The following FKBP1B variants were observed in gnomAD, a reference collection of about 807,000 sequenced individuals.
FKBP1B encodes the protein peptidyl-prolyl cis-trans isomerase FKBP1B.
Under a neutral mutation model 13.5 loss-of-function variants are expected in FKBP1B, and 4 were observed. That is an observed-to-expected ratio of 0.30 (90% confidence interval 0.15 to 0.68). The LOEUF is 0.68. FKBP1B is among the 30% of genes least tolerant of loss of function. The probability of loss-of-function intolerance (pLI) is 0.76; values close to 1 mark genes in which losing one functional copy is unlikely to be tolerated. For missense variants in FKBP1B, 93 were observed against 136.2 expected (o/e 0.68, Z 1.58); for synonymous variants, 54 against 53.6 (o/e 1.01, Z -0.03).
the FKBP1B span, chr2:24,038,834 T>C: frequency 3.1e-6 from 5 of 1,614,222 alleles, no homozygotes; most frequent in Non-Finnish European, 3.4e-6. Context: ...GGAAGCTCAG[T>C]AGCTATAGCA....
intron 1 of FKBP1B, among the ~76,000 whole-genome samples, chr2:24,053,094 GGTTTT>G (rs796827221): frequency 2.6e-5 from 4 of 151,956 alleles, no homozygotes; most frequent in Admixed American, 6.6e-5. Context: ...AAATATTTGT[GGTTTT>G]GTTTTGTTTT....
rs1663806754 is a variant in FKBP1B, at chr2:24,050,307, AGCGCGTCCCCC to A, written c.37+424_37+434del. 6.6e-6 allele frequency among the ~76,000 whole-genome samples: 1 copy of A among 152,042 alleles called. No individual in the cohort carries two copies. The highest frequency in any genetic ancestry group is 2.4e-5 in the African/African-American group (1 of 41,396). ...ACCCGCTGCTCGGGGACCTCCTCCTAGCGCGTCCCCCGCCGGGCCTCCCCTCGGTCGCTTCC... is the reference window on the plus strand; with the variant it reads ...ACCCGCTGCTCGGGGACCTCCTCCTAGCCGGGCCTCCCCTCGGTCGCTTCC... On this transcript the variant is annotated intron_variant, in intron 1 of 3. Transcript: ENST00000380986. This position sits in a 1 kb window ranked among gnomAD's most constrained non-coding sequence, Gnocchi z 5.8.
upstream of FKBP1B, among the ~76,000 whole-genome samples, chr2:24,045,298 C>T (rs1341001194): frequency 6.6e-6 from 1 of 152,092 alleles, no homozygotes; most frequent in Non-Finnish European, 1.5e-5. Flanking sequence ...GAGCATGTTT[C>T]AAAGGCAAGG....
upstream of FKBP1B, among the ~76,000 whole-genome samples, chr2:24,046,309 G>A (rs1663623381): frequency 1.3e-5 from 2 of 152,102 alleles, no homozygotes; most frequent in Non-Finnish European, 2.9e-5. Context: ...AAGATCAGAG[G>A]GCCAGGAGGA....
chr2:24,045,885 G>C (rs1663608275), upstream of FKBP1B: 1 of 152,108 alleles, frequency 6.6e-6, no homozygotes. Flanking sequence ...ACAGAGCGTA[G>C]CATGGCCCCT....
At chr2:24,062,924 A>G in intron 3 of FKBP1B, 140 bp from the exon 4 acceptor site, 1 of 1,247,342 alleles carries the variant, frequency 8.0e-7, no homozygotes, top group Non-Finnish European at 1.1e-6. Context: ...ATTTCAATGT[A>G]TCCCATGTAA....
chr2:24,061,033 G>C, intron 3 of FKBP1B, 107 bp downstream of exon 3: 1 of 806,330 alleles, frequency 1.2e-6, no homozygotes, highest in Non-Finnish European at 2.0e-6. Flanking sequence ...CTACTGCTTT[G>C]ACTCTACAGC....
intron 2 of FKBP1B, among the ~76,000 whole-genome samples, chr2:24,057,117 A>G (rs1482229871): frequency 6.6e-6 from 1 of 152,034 alleles, no homozygotes; most frequent in African/African-American, 2.4e-5. Flanking sequence ...TCTTAATAGT[A>G]TATTTTGAAC....
At chr2:24,035,275 T>C in the FKBP1B span, among the ~76,000 whole-genome samples, 1 of 151,804 alleles carries the variant, frequency 6.6e-6, no homozygotes, top group Non-Finnish European at 1.5e-5. Flanking sequence ...CTCTAGGACA[T>C]ACTATTAAAT....
chr2:24,037,654 T>A, the FKBP1B span: 14 of 1,585,938 alleles, frequency 8.8e-6, no homozygotes, highest in East Asian at 2.9e-4. Context: ...TGTATAGTGG[T>A]AGTTCCTCAA....
At chr2:24,034,772 G>A in the FKBP1B span, among the ~76,000 whole-genome samples, 5 of 151,976 alleles carry the variant, frequency 3.3e-5, no homozygotes, top group South Asian at 4.2e-4. Flanking sequence ...ACAGGGTTTT[G>A]CCATGCTGCC....
the FKBP1B span, chr2:24,039,087 G>T: frequency 6.2e-7 from 1 of 1,614,210 alleles, no homozygotes; most frequent in Admixed American, 1.7e-5. Flanking sequence ...GGAAAATGGA[G>T]ACATCCTGAG....
chr2:24,053,798 A>G, intron 1 of FKBP1B, 104 bp from the exon 2 acceptor site: 2 of 1,091,620 alleles, frequency 1.8e-6, no homozygotes, highest in Non-Finnish European at 2.8e-6. Context: ...TCTCCATGGC[A>G]TGGAGGGGAA....
intron 2 of FKBP1B, among the ~76,000 whole-genome samples, chr2:24,059,376 G>C (rs560056006): frequency 2.1e-4 from 32 of 151,820 alleles, no homozygotes; most frequent in Non-Finnish European, 1.6e-4. Flanking sequence ...AGCACCTGGG[G>C]GGGGGTTCTG....
At chr2:24,054,919 T>C (rs1664050783) in intron 2 of FKBP1B, among the ~76,000 whole-genome samples, 1 of 152,216 alleles carries the variant, frequency 6.6e-6, no homozygotes, top group African/African-American at 2.4e-5. Flanking sequence ...AATACATACA[T>C]AGGGCAGCAG....
At chr2:24,037,754 G>A in the FKBP1B span, 20 of 1,614,030 alleles carry the variant, frequency 1.2e-5, no homozygotes, top group African/African-American at 9.3e-5. Context: ...TTATGCAGAC[G>A]GTTTGTAAGT....
chr2:24,054,045 G>C, intron 2 of FKBP1B, 96 bp downstream of exon 2: 1 of 1,232,754 alleles, frequency 8.1e-7, no homozygotes, highest in Non-Finnish European at 1.2e-6. Context: ...CTCTGGATCA[G>C]GGCTAAAGCC....
In FKBP1B at chr2:24,050,117, T is replaced by C. The variant is rs1334555677; in HGVS notation, c.37+231T>C. Among the ~76,000 whole-genome samples, 1 of 151,114 alleles carries C rather than the reference T, an allele frequency of 6.6e-6. No individual in the cohort carries two copies. Among genetic ancestry groups the C allele is most frequent in the Non-Finnish European group, 1.5e-5 (1 of 67,726 alleles). ...AGGCGGCAGCTCGGAGGCGGGGGTC[T>C]GCGGCCCGGAGGCGGGGGTCTGCGG... On this transcript the variant is annotated intron_variant, in intron 1 of 3. Transcript: ENST00000380986. The surrounding 1 kb of genome is among the most constrained non-coding windows in gnomAD (Gnocchi z 5.8).
chr2:24,061,478 A>G (rs1664392461), intron 3 of FKBP1B, among the ~76,000 whole-genome samples: 1 of 152,130 alleles, frequency 6.6e-6, no homozygotes, highest in Admixed American at 6.6e-5. Flanking sequence ...AAAATAAACT[A>G]GCTGAGGTCT....
Sources: allele counts gnomAD v4.1 joint callset (sites outside exome capture counted in the v4.1 genomes callset), GRCh38; gene constraint gnomAD v4.1.1; non-coding constraint Gnocchi (gnomAD v3.1); transcripts MANE v1.5; gene names NCBI Gene and HGNC (gene_info 2026-07-23, HGNC 2026-07-21).